MYDGF: variants seen among roughly 807,000 people sequenced by gnomAD.
The protein encoded by MYDGF is myeloid derived growth factor.
MYDGF carries 29 observed loss-of-function variants against 24.2 expected under a neutral mutation model. That is an observed-to-expected ratio of 1.20 (90% CI 0.89 to 1.63). The LOEUF (loss-of-function observed/expected upper bound fraction) is 1.63. MYDGF is among the 40% of genes most tolerant of loss of function. MYDGF has a pLI of 0.00. For missense variants in MYDGF, 245 were observed against 234.8 expected (o/e 1.04, Z -0.29); for synonymous variants, 105 against 102.5 (o/e 1.02, Z -0.15).
Position 4,670,009 on chromosome 19 carries a change from C to T in MYDGF, c.174+152G>A, listed in dbSNP as rs908573618. The T allele has an allele frequency of 1.0e-5, 9 of 875,740 alleles. No homozygotes were observed. The African/African-American group carries it at 1.4e-4, about 14-fold the overall frequency. 54.2% of individuals were successfully genotyped at this position (875,740 alleles called of 1,614,324 possible). ...ACCCCGGCCTCACGGTCCCGCGCCCCCCACTCAGCCTCCGACCCTAACAAT... is the reference window on the plus strand; with the variant it reads ...ACCCCGGCCTCACGGTCCCGCGCCCTCCACTCAGCCTCCGACCCTAACAAT... On this transcript the variant is annotated intron_variant, in intron 1 of 5. Transcript: ENST00000262947.
At chr19:4,666,719 T>C (rs2088524322) in intron 2 of MYDGF, among the ~76,000 whole-genome samples, 1 of 152,170 alleles carries the variant, frequency 6.6e-6, no homozygotes, top group Admixed American at 6.6e-5. Flanking sequence ...TAGTACGGGA[T>C]TGTCAACTCC....
At chr19:4,660,951 CTTTT>C (rs1188516705) in intron 3 of MYDGF, among the ~76,000 whole-genome samples, 1 of 147,138 alleles carries the variant, frequency 6.8e-6, no homozygotes, top group African/African-American at 2.5e-5. Flanking sequence ...GACCCTCTTT[CTTTT>C]GTGCCAGAAT....
intron 5 of MYDGF, 146 bp downstream of exon 5, chr19:4,659,785 G>A (rs936183502): frequency 2.9e-5 from 21 of 715,774 alleles, no homozygotes; most frequent in African/African-American, 2.5e-4. Flanking sequence ...AGATATTGAC[G>A]AGGTGGCCTT....
intron 1 of MYDGF, 23 bp downstream of exon 1, chr19:4,670,137 AT>A: frequency 6.7e-7 from 1 of 1,483,270 alleles, no homozygotes; most frequent in South Asian, 1.3e-5. Context: ...GCACTCAAAT[AT>A]CCGGGACGGC....
At chr19:4,665,859 C>CATATCATTT (rs1388514946) in intron 2 of MYDGF, among the ~76,000 whole-genome samples, 1 of 142,018 alleles carries the variant, frequency 7.0e-6, no homozygotes, top group East Asian at 2.1e-4. Flanking sequence ...AAAGATGTCC[C>CATATCATTT]ATATCATTTA....
intron 2 of MYDGF, among the ~76,000 whole-genome samples, chr19:4,666,683 TG>T (rs1311615306): frequency 6.6e-6 from 1 of 152,212 alleles, no homozygotes; most frequent in Admixed American, 6.5e-5. Flanking sequence ...ATTCACGGAC[TG>T]GGTTGGAAGT....
At chr19:4,662,429 G>A (rs1237251621) in intron 3 of MYDGF, among the ~76,000 whole-genome samples, 6 of 152,060 alleles carry the variant, frequency 3.9e-5, no homozygotes, top group African/African-American at 1.2e-4. Flanking sequence ...CCTCCCCACC[G>A]GGGGGCCTGA....
chr19:4,660,774 G>T (rs1378029878), intron 3 of MYDGF, 24 bp from the exon 4 acceptor site: 1 of 1,606,476 alleles, frequency 6.2e-7, no homozygotes, highest in African/African-American at 1.3e-5. Flanking sequence ...GGGGGCGAGG[G>T]AGTCAGGCCA....
At chr19:4,669,274 G>A (rs545859261) in intron 1 of MYDGF, among the ~76,000 whole-genome samples, 1 of 152,316 alleles carries the variant, frequency 6.6e-6, no homozygotes, top group Non-Finnish European at 1.5e-5. Context: ...AGGAGTTCAA[G>A]ACCAGCCTGG....
rs2088457020 is a variant in MYDGF at position 4,659,916 on chromosome 19, C to T, written c.442+15G>A. 1 of 1,613,096 alleles carries T rather than the reference C, an allele frequency of 6.2e-7. No homozygotes were observed. Among genetic ancestry groups the T allele is most frequent in the Admixed American group, 1.7e-5 (1 of 59,986 alleles). On this transcript the variant is annotated intron_variant, in intron 5 of 5. Coordinates refer to ENST00000262947, the MANE Select transcript of MYDGF (RefSeq NM_019107.4). ...GGGGTGGCGTCACCTCTACCCCATC[C>T]CCATCTTTCCGTACCTGCTGTTTTG...
Position 4,668,582 on chromosome 19 carries a change from T to G in MYDGF, c.225+13A>C. The G allele has an allele frequency of 6.2e-7, 1 of 1,606,782 alleles. No individual in the cohort carries two copies. The highest frequency in any genetic ancestry group is 8.5e-7 in the Non-Finnish European group (1 of 1,173,424). On this transcript the variant is annotated intron_variant, in intron 2 of 5. Coordinates refer to ENST00000262947, the MANE Select transcript of MYDGF (RefSeq NM_019107.4). ...CTGTCACAGTAAGCTAGAGGGAATT[T>G]TGAACAACTCACCTCATTGGTCCCT... is the stretch of plus-strand genomic sequence containing the variant.
intron 5 of MYDGF, among the ~76,000 whole-genome samples, chr19:4,659,351 A>C (rs1238056062): frequency 6.6e-6 from 1 of 151,798 alleles, no homozygotes; most frequent in African/African-American, 2.4e-5. Context: ...ATTCTCCTGA[A>C]TAGCTGGGAT....
intron 3 of MYDGF, among the ~76,000 whole-genome samples, chr19:4,662,161 C>A (rs2088476016): frequency 6.6e-6 from 1 of 152,182 alleles, no homozygotes; most frequent in Admixed American, 6.5e-5. Flanking sequence ...AAGCGCCCCG[C>A]AGGGCACGGC....
At chr19:4,664,015 G>A (rs896485124) in intron 3 of MYDGF, among the ~76,000 whole-genome samples, 4 of 151,704 alleles carry the variant, frequency 2.6e-5, no homozygotes, top group African/African-American at 9.7e-5. Flanking sequence ...AGGCTGACAC[G>A]GGCCTCAGCA....
intron 3 of MYDGF, 139 bp from the exon 4 acceptor site, chr19:4,660,889 G>A (rs1371249580): frequency 1.3e-5 from 7 of 555,600 alleles, no homozygotes; most frequent in East Asian, 9.8e-5. Context: ...CGCCATTCCC[G>A]AGCACGAGCA....
At chr19:4,662,999 C>T (rs1421005207) in intron 3 of MYDGF, among the ~76,000 whole-genome samples, 1 of 150,862 alleles carries the variant, frequency 6.6e-6, no homozygotes, top group East Asian at 2.0e-4. Context: ...CCTCATTTTA[C>T]ACAGCCTCCA....
At chr19:4,660,868 C>G (rs577705170) in intron 3 of MYDGF, 118 bp from the exon 4 acceptor site, 1 of 680,650 alleles carries the variant, frequency 1.5e-6, no homozygotes, top group East Asian at 3.1e-5. Context: ...GTGCCTGCTT[C>G]TCAACATGGA....
intron 2 of MYDGF, among the ~76,000 whole-genome samples, chr19:4,666,163 G>A (rs1248355819): frequency 6.6e-6 from 1 of 151,884 alleles, no homozygotes; most frequent in Non-Finnish European, 1.5e-5. Context: ...AAAATGACTG[G>A]CCTCTTGCAC....
chr19:4,663,447 C>A (rs1483613362), intron 3 of MYDGF, among the ~76,000 whole-genome samples: 28 of 127,294 alleles, frequency 2.2e-4, no homozygotes, highest in East Asian at 2.5e-4. Flanking sequence ...TCATTCTACA[C>A]AGCCTCCAAT....
Sources: gnomAD v4.1 joint callset for allele counts (sites outside exome capture counted in the v4.1 genomes callset) on GRCh38, gnomAD v4.1.1 for gene constraint, MANE v1.5 for transcripts, NCBI Gene and HGNC (gene_info 2026-07-23, HGNC 2026-07-21) for gene names.